AOPEP: variants seen among roughly 807,000 people sequenced by gnomAD.
AOPEP encodes the protein aminopeptidase O.
Under a neutral mutation model 98.1 loss-of-function variants are expected in AOPEP, and 77 were observed. The observed-to-expected ratio is 0.78, with a 90% CI of 0.65 to 0.95. The LOEUF (loss-of-function observed/expected upper bound fraction) is 0.95, where lower values mean the gene tolerates loss of function less well. Among genes scored for constraint, AOPEP ranks in the 40% least tolerant of loss-of-function variants. The pLI is 0.00. For synonymous variants in AOPEP, 346 were observed against 365.3 expected (o/e 0.95, Z 0.60); for missense variants, 1,024 against 1,024.7 (o/e 1.00, Z 0.01).
intron 5 of AOPEP, among the ~76,000 whole-genome samples, chr9:94,813,679 A>G (rs571021080): frequency 1.3e-5 from 2 of 152,328 alleles, no homozygotes; most frequent in African/African-American, 4.8e-5. Context: ...AGGTGCTGAC[A>G]GTGGATCAGG....
At chr9:95,036,209 TC>T in intron 13 of AOPEP, among the ~76,000 whole-genome samples, 1 of 152,334 alleles carries the variant, frequency 6.6e-6, no homozygotes, top group Non-Finnish European at 1.5e-5. Context: ...GGTGGAATCT[TC>T]CACTGATCTT....
At chr9:94,854,866 A>G (rs2135272348) in intron 5 of AOPEP, among the ~76,000 whole-genome samples, 1 of 152,314 alleles carries the variant, frequency 6.6e-6, no homozygotes, top group Admixed American at 6.5e-5. Context: ...CGAGCTCTAC[A>G]TATGAGTTAG....
At chr9:94,764,056 A>T (rs1224503582) in intron 2 of AOPEP, among the ~76,000 whole-genome samples, 20 of 152,214 alleles carry the variant, frequency 1.3e-4, no homozygotes. Context: ...GTAACTTTAC[A>T]CTAGAGAAAT....
At chr9:94,894,283 C>T (rs1048137808) in intron 5 of AOPEP, among the ~76,000 whole-genome samples, 8 of 152,062 alleles carry the variant, frequency 5.3e-5, no homozygotes, top group Non-Finnish European at 7.4e-5. Flanking sequence ...TGATTTATTG[C>T]CAAAACCAAT....
intron 11 of AOPEP, among the ~76,000 whole-genome samples, chr9:94,992,235 C>T (rs1016560253): frequency 1.3e-5 from 2 of 152,190 alleles, no homozygotes; most frequent in African/African-American, 2.4e-5. Context: ...AAAAGGCCAG[C>T]GTTCTTGTCA....
chr9:95,148,234 A>G, the AOPEP span, among the ~76,000 whole-genome samples: 6 of 152,350 alleles, frequency 3.9e-5, no homozygotes, highest in East Asian at 9.6e-4. Flanking sequence ...GGTGAAAAGG[A>G]AAGTGTGCAT....
At chr9:95,094,896 C>T in the AOPEP span, among the ~76,000 whole-genome samples, 2 of 152,206 alleles carry the variant, frequency 1.3e-5, no homozygotes, top group Admixed American at 1.3e-4. Context: ...GAACTCCTGA[C>T]CTCGTGATCT....
intron 5 of AOPEP, among the ~76,000 whole-genome samples, chr9:94,817,088 C>A (rs1426498004): frequency 6.6e-6 from 1 of 152,200 alleles, no homozygotes; most frequent in Non-Finnish European, 1.5e-5. Flanking sequence ...GCAGCCTCAT[C>A]CTCCCAGGCT....
At chr9:95,141,678 T>C in the AOPEP span, among the ~76,000 whole-genome samples, 1 of 152,216 alleles carries the variant, frequency 6.6e-6, no homozygotes, top group South Asian at 2.1e-4. Flanking sequence ...TAATTCTAGT[T>C]AGGCTCCTTT....
chr9:94,863,901 G>A (rs1046617074), intron 5 of AOPEP, among the ~76,000 whole-genome samples: 2 of 152,144 alleles, frequency 1.3e-5, no homozygotes, highest in South Asian at 2.1e-4. Context: ...GAATACTTTC[G>A]CTTGCATCTT....
In AOPEP at chr9:94,901,542, A is replaced by G. The variant is rs1383867476; in HGVS notation, c.1365-22444A>G. Reference sequence around the variant, plus strand: ...TTAGGACTCCTCGCTGCTTCTCAGTATCTCACATACCTTTTGCTAGCCACA... The same window carrying G: ...TTAGGACTCCTCGCTGCTTCTCAGTGTCTCACATACCTTTTGCTAGCCACA... On this transcript the variant is annotated intron_variant, in intron 5 of 16. Coordinates refer to ENST00000375315, the MANE Select transcript of AOPEP (RefSeq NM_001193329.3). Among the ~76,000 whole-genome samples the G allele has an allele frequency of 2.6e-5, 4 of 152,232 alleles. No homozygotes were observed. The East Asian group carries it at 7.7e-4, about 29-fold the overall frequency.
At chr9:94,866,152 C>G (rs1401559449) in intron 5 of AOPEP, among the ~76,000 whole-genome samples, 1 of 152,188 alleles carries the variant, frequency 6.6e-6, no homozygotes, top group African/African-American at 2.4e-5. Context: ...CCAGGAGGGC[C>G]GAGCACACAA....
chr9:94,912,075 C>A (rs918076257), intron 5 of AOPEP, among the ~76,000 whole-genome samples: 9 of 152,044 alleles, frequency 5.9e-5, no homozygotes, highest in Admixed American at 2.0e-4. Context: ...TCTGACCTGA[C>A]GAGCTGTAAA....
chr9:95,043,252 A>ATATGTATATATATATCTGTATATATG, intron 13 of AOPEP, among the ~76,000 whole-genome samples: 1 of 12,564 alleles, frequency 8.0e-5, no homozygotes, highest in African/African-American at 1.0e-4. Flanking sequence ...ATATACAGAT[A>ATATGTATATATATATCTGTATATATG]TATATATACA....
At chr9:94,983,491 C>T (rs1178972740) in intron 11 of AOPEP, among the ~76,000 whole-genome samples, 4 of 152,184 alleles carry the variant, frequency 2.6e-5, no homozygotes, top group Non-Finnish European at 5.9e-5. Flanking sequence ...TTAGCTCTCT[C>T]CTTTTTGATT....
intron 5 of AOPEP, among the ~76,000 whole-genome samples, chr9:94,849,502 C>CTTTTTT (rs1483175118): frequency 1.4e-4 from 9 of 66,274 alleles, no homozygotes; most frequent in African/African-American, 3.5e-4. Context: ...TTCTTTCTTT[C>CTTTTTT]TTTCTTTTTT....
At chr9:95,128,524 G>A in the AOPEP span, among the ~76,000 whole-genome samples, 1 of 152,176 alleles carries the variant, frequency 6.6e-6, no homozygotes, top group Non-Finnish European at 1.5e-5. Context: ...TAATTATAGG[G>A]ATTTCCAAAC....
intron 13 of AOPEP, among the ~76,000 whole-genome samples, chr9:95,041,358 T>C (rs2065270460): frequency 6.7e-6 from 1 of 150,328 alleles, no homozygotes; most frequent in Non-Finnish European, 1.5e-5. Context: ...AGAAATAAGA[T>C]TTAAAAAAAA....
chr9:94,934,572 A>G (rs951344996), intron 7 of AOPEP: 1 of 152,222 alleles, frequency 6.6e-6, no homozygotes, highest in Admixed American at 6.5e-5. Flanking sequence ...AGCTCTTAAG[A>G]ACTTCCAGTC....
Sources: gnomAD v4.1 joint callset for allele counts (sites outside exome capture counted in the v4.1 genomes callset) on GRCh38, gnomAD v4.1.1 for gene constraint, MANE v1.5 for transcripts, NCBI Gene and HGNC (gene_info 2026-07-23, HGNC 2026-07-21) for gene names.